Variants in SLC17A4 observed in about 807,000 individuals in gnomAD.
The protein encoded by SLC17A4 is probable small intestine urate exporter.
SLC17A4 carries 33 observed loss-of-function variants against 52.5 expected under a neutral mutation model. That is an observed-to-expected ratio of 0.63 (90% confidence interval 0.48 to 0.84). The LOEUF (loss-of-function observed/expected upper bound fraction) is 0.84, where lower values mean the gene tolerates loss of function less well. Among genes scored for constraint, SLC17A4 ranks in the 40% least tolerant of loss-of-function variants. The probability of loss-of-function intolerance (pLI) is 0.00; values close to 1 mark genes in which losing one functional copy is unlikely to be tolerated. For synonymous variants in SLC17A4, 225 were observed against 216.2 expected (o/e 1.04, Z -0.36); for missense variants, 585 against 597.1 (o/e 0.98, Z 0.21).
rs1762343593 is a variant in SLC17A4 at position 25,769,965 on chromosome 6, AC to A, written c.298-101del. 7 of 977,342 alleles carry A rather than the reference AC, an allele frequency of 7.2e-6. No homozygotes were observed. The South Asian group carries it at 1.0e-4, about 15-fold the overall frequency. 60.5% of individuals were successfully genotyped at this position (977,342 alleles called of 1,614,324 possible). On this transcript the variant is annotated intron_variant, in intron 3 of 11. Coordinates refer to ENST00000377905, the MANE Select transcript of SLC17A4 (RefSeq NM_005495.3). Reference sequence around the variant, plus strand: ...TATTGGAGGAACTGGAGAAATGTAAACAGAAAGATAACTGCCAATTAATTTT... The same window carrying A: ...TATTGGAGGAACTGGAGAAATGTAAAAGAAAGATAACTGCCAATTAATTTT...
At chr6:25,776,148 CA>C (rs397734742) in intron 8 of SLC17A4, among the ~76,000 whole-genome samples, 13 of 150,030 alleles carry the variant, frequency 8.7e-5, no homozygotes, top group African/African-American at 2.2e-4. Context: ...CAGAGCATGC[CA>C]AAAAAAAATG....
rs762929706 is a variant in SLC17A4, at chr6:25,773,644, C to A, written c.957C>A (p.Ile319=). Residue 319 remains isoleucine, a synonymous_variant, in exon 8 of 12, where the codon ATC becomes ATA. Transcript: ENST00000377905. ...TTATGGCGTACACACCAACGTACAT[C>A]AGCTCGGTACTTCAAGCCAACCTCA... is the stretch of plus-strand genomic sequence containing the variant. ...YTIMAYTPTY[I]SSVLQANLRD... 2 of 1,613,690 alleles carry A rather than the reference C, an allele frequency of 1.2e-6. No homozygotes were observed. Among genetic ancestry groups the A allele is most frequent in the Non-Finnish European group, 1.7e-6 (2 of 1,179,772 alleles).
At chr6:25,760,311 G>A (rs7769908) in intron 1 of SLC17A4, among the ~76,000 whole-genome samples, 45,373 of 151,842 alleles carry the variant, frequency 0.3, 7,748 homozygotes, top group East Asian at 0.74. Flanking sequence ...AAGAAGTTGA[G>A]CAAATGCTAC....
At chr6:25,775,900 A>G (rs563589733) in intron 8 of SLC17A4, among the ~76,000 whole-genome samples, 5 of 152,312 alleles carry the variant, frequency 3.3e-5, no homozygotes, top group African/African-American at 1.2e-4. Context: ...TCTTCATATC[A>G]GTACATGAGA....
At chr6:25,755,084 G>C (rs1401650214) in intron 1 of SLC17A4, among the ~76,000 whole-genome samples, 1 of 137,940 alleles carries the variant, frequency 7.2e-6, no homozygotes, top group Non-Finnish European at 1.6e-5. Context: ...CACACACACA[G>C]AGGAAGAAAG....
intron 2 of SLC17A4, among the ~76,000 whole-genome samples, chr6:25,764,461 G>A (rs942862101): frequency 1.3e-5 from 2 of 152,198 alleles, no homozygotes; most frequent in Non-Finnish European, 2.9e-5. Context: ...ACAACACTTT[G>A]AGAAAGTACT....
rs1252414378 is a variant in SLC17A4 at position 25,773,289 on chromosome 6, GCTTGTTGTCCTCT to G, written c.724_736del (p.Cys242GlyfsTer10). ...CCTTTTCCTAGGAGGAATTGGCTGT[GCTTGTTGTCCTCT>G]CTGGTTTCCTCTCATTTATGATGAT... On this transcript the variant is annotated frameshift_variant, in exon 7 of 12. Transcript: ENST00000377905. LOFTEE classifies it high-confidence loss of function. 1.7e-5 allele frequency: 27 copies of G among 1,613,732 alleles called. No individual in the cohort carries two copies. Among genetic ancestry groups the G allele is most frequent in the Non-Finnish European group, 2.2e-5 (26 of 1,179,768 alleles).
Position 25,779,110 on chromosome 6 carries a change from G to T in SLC17A4, c.1416G>T (p.Ser472=), listed in dbSNP as rs774393197. The T allele has an allele frequency of 1.2e-6, 2 of 1,613,790 alleles. No individual in the cohort carries two copies. Among genetic ancestry groups the T allele is most frequent in the South Asian group, 2.2e-5 (2 of 91,060 alleles). ...VFLLSAAVNI[S]GLVFYLIFGR... is the part of the protein sequence containing the mutation. Reference sequence around the variant, plus strand: ...TGCTTTCAGCTGCTGTTAACATATCGGGCCTGGTTTTCTACCTCATCTTTG... The same window carrying T: ...TGCTTTCAGCTGCTGTTAACATATCTGGCCTGGTTTTCTACCTCATCTTTG... The change falls in exon 12 of 12, where the codon TCG becomes TCT. Residue 472 remains serine (S), a synonymous_variant. Coordinates refer to ENST00000377905, the MANE Select transcript of SLC17A4 (RefSeq NM_005495.3).
At chr6:25,773,743 C>A in intron 8 of SLC17A4, 69 bp downstream of exon 8, 1 of 1,524,758 alleles carries the variant, frequency 6.6e-7, no homozygotes, top group Non-Finnish European at 8.9e-7. Context: ...CATATATAAT[C>A]CTCTGTCTGT....
At chr6:25,766,470 CA>C (rs1279566296) in intron 2 of SLC17A4, among the ~76,000 whole-genome samples, 1 of 151,970 alleles carries the variant, frequency 6.6e-6, no homozygotes, top group African/African-American at 2.4e-5. Context: ...TGACTTCTTC[CA>C]GAGTACATTT....
chr6:25,773,460 A>T, intron 7 of SLC17A4, 53 bp from the exon 8 acceptor site: 1 of 1,612,896 alleles, frequency 6.2e-7, no homozygotes, highest in Non-Finnish European at 8.5e-7. Context: ...GAAGAATGTG[A>T]TAGAGAGAGC....
intron 11 of SLC17A4, among the ~76,000 whole-genome samples, chr6:25,778,458 G>C (rs564793832): frequency 6.6e-6 from 1 of 152,078 alleles, no homozygotes; most frequent in Non-Finnish European, 1.5e-5. Context: ...CTAGCATACT[G>C]TCAGGAAATG....
intron 6 of SLC17A4, among the ~76,000 whole-genome samples, chr6:25,772,270 T>G (rs535233291): frequency 6.6e-6 from 1 of 152,290 alleles, no homozygotes; most frequent in African/African-American, 2.4e-5. Context: ...CACTAAATAT[T>G]TGTTGAATAA....
intron 1 of SLC17A4, among the ~76,000 whole-genome samples, chr6:25,761,060 G>C (rs1040436205): frequency 2.6e-5 from 4 of 152,126 alleles, no homozygotes; most frequent in African/African-American, 9.7e-5. Context: ...AATCTGTTTT[G>C]AGTGAATCAG....
At chr6:25,777,615 T>G in intron 10 of SLC17A4, 1 of 229,014 alleles carries the variant, frequency 4.4e-6, no homozygotes, top group Non-Finnish European at 8.5e-6. Flanking sequence ...ACAAAAACCT[T>G]ACAAACCAGG....
chr6:25,779,269 T>A lies in SLC17A4; in HGVS notation c.*81T>A. On this transcript the variant is annotated 3_prime_UTR_variant, in exon 12 of 12. Transcript: ENST00000377905. ...CAGACATTTCTCTTTCATGCCTGCTTGACTGATAAGCCATTAGCTAGACCC... is the reference window on the plus strand; with the variant it reads ...CAGACATTTCTCTTTCATGCCTGCTAGACTGATAAGCCATTAGCTAGACCC... The A allele has an allele frequency of 6.4e-7, 1 of 1,570,926 alleles. No individual in the cohort carries two copies. The highest frequency in any genetic ancestry group is 8.7e-7 in the Non-Finnish European group (1 of 1,152,898).
rs1310912444 is a variant in SLC17A4 at position 25,780,330 on chromosome 6, C to T, written c.*1142C>T. On this transcript the variant is annotated 3_prime_UTR_variant, in exon 12 of 12. Transcript: ENST00000377905. Reference sequence around the variant, plus strand: ...CACACAAGTGAATATGTAATAACAACTGTAGAAATAATGAGTGGTTACATG... The same window carrying T: ...CACACAAGTGAATATGTAATAACAATTGTAGAAATAATGAGTGGTTACATG... 1 of 152,136 alleles carries T rather than the reference C, an allele frequency of 6.6e-6. No homozygotes were observed. The highest frequency in any genetic ancestry group is 1.9e-4 in the East Asian group (1 of 5,196). The allele number at this position is 152,136 out of a possible 1,614,324, so 9.4% of individuals were successfully genotyped here. A position where few individuals can be genotyped will look rare whatever the true frequency, so the allele number is the denominator to read the frequency against.
At chr6:25,755,387 C>T (rs1190983416) in intron 1 of SLC17A4, among the ~76,000 whole-genome samples, 1 of 152,104 alleles carries the variant, frequency 6.6e-6, no homozygotes, top group African/African-American at 2.4e-5. Context: ...TGAATAAGAG[C>T]CATGGGCTGT....
rs1294344889 is a variant in SLC17A4, at chr6:25,776,648, T to C, written c.1041T>C (p.Leu347=). The change falls in exon 9 of 12, where the codon CTT becomes CTC. Residue 347 remains leucine, a synonymous_variant. Transcript: ENST00000377905. ...TTGTTGGATGTATCTGCATTATCCT[T>C]GGAGGTCTACTGGCAGACTTTCTTC... ...PFVVGCICII[L]GGLLADFLLS... 2 of 1,613,860 alleles carry C rather than the reference T, an allele frequency of 1.2e-6. No homozygotes were observed. Among genetic ancestry groups the C allele is most frequent in the South Asian group, 2.2e-5 (2 of 91,066 alleles).
Sources: allele counts gnomAD v4.1 joint callset (sites outside exome capture counted in the v4.1 genomes callset), GRCh38; gene constraint gnomAD v4.1.1; transcripts MANE v1.5; gene names NCBI Gene and HGNC (gene_info 2026-07-23, HGNC 2026-07-21).